ELF4: variants seen among roughly 807,000 people sequenced by gnomAD.
The protein encoded by ELF4 is ETS-related transcription factor Elf-4.
A neutral mutation model predicts 31.7 loss-of-function variants in ELF4; 10 were observed. The observed-to-expected ratio is 0.32, with a 90% CI of 0.19 to 0.54. The LOEUF (loss-of-function observed/expected upper bound fraction) is 0.54, where lower values mean the gene tolerates loss of function less well. ELF4 is among the 20% of genes least tolerant of loss of function. ELF4 has a pLI of 0.95. For synonymous variants in ELF4, 208 were observed against 226.7 expected (o/e 0.92, Z 0.74); for missense variants, 418 against 522.0 (o/e 0.80, Z 1.94).
intron 1 of ELF4, among the ~76,000 whole-genome samples, chrX:130,100,151 G>A (rs966806987): frequency 1.8e-5 from 2 of 111,484 alleles, no homozygotes; most frequent in African/African-American, 6.5e-5. Flanking sequence ...AAGCTATATG[G>A]AGTGAATGTG....
rs973496718 is a variant in ELF4 at position 130,066,777 on chromosome X, G to A, written c.1936C>T (p.Pro646Ser). 8 of 1,209,099 alleles carry A rather than the reference G, an allele frequency of 6.6e-6. No homozygotes were observed. The highest frequency in any genetic ancestry group is 8.9e-6 in the Non-Finnish European group (8 of 894,372). ...SLLTRSPTPA[P>S]FSPFNPTSLI... is the part of the protein sequence containing the mutation. ...GAAGTAGGGTTGAATGGGGAGAAAGGGGCTGGGGTGGGGGATCTTGTCAGA... is the reference window on the plus strand; with the variant it reads ...GAAGTAGGGTTGAATGGGGAGAAAGAGGCTGGGGTGGGGGATCTTGTCAGA... The change falls in exon 9 of 9, where the codon CCT (proline) becomes TCT (serine). Residue 646 changes from proline to serine, a missense_variant. Coordinates refer to ENST00000308167, the MANE Select transcript of ELF4 (RefSeq NM_001421.4).
chrX:130,095,661 TC>T (rs1213025449), intron 1 of ELF4, among the ~76,000 whole-genome samples: 1 of 111,552 alleles, frequency 9.0e-6, no homozygotes. Context: ...CCATGTGAGC[TC>T]CTGTGGCCAG....
chrX:130,086,378 C>G (rs1342882195), intron 1 of ELF4, among the ~76,000 whole-genome samples: 2 of 112,073 alleles, frequency 1.8e-5, no homozygotes, highest in African/African-American at 6.5e-5. Context: ...TTACAGCCCC[C>G]GCTCTCACAC....
At chrX:130,090,409 C>T (rs1405120282) in intron 1 of ELF4, among the ~76,000 whole-genome samples, 1 of 110,204 alleles carries the variant, frequency 9.1e-6, no homozygotes, top group African/African-American at 3.3e-5. Context: ...AGAAGCCACA[C>T]ACATGCAGGG....
intron 1 of ELF4, among the ~76,000 whole-genome samples, chrX:130,102,644 C>A (rs970148053): frequency 1.6e-4 from 12 of 73,628 alleles, no homozygotes; most frequent in Non-Finnish European, 2.9e-4. Context: ...TGAGAACATA[C>A]CTCTACAAAA....
chrX:130,082,756 A>C (rs1932903678), intron 1 of ELF4, among the ~76,000 whole-genome samples: 1 of 101,723 alleles, frequency 9.8e-6, no homozygotes, highest in Non-Finnish European at 2.0e-5. Context: ...CTGCTCCTCC[A>C]CCCCATCACT....
chrX:130,087,758 G>A (rs984926178), intron 1 of ELF4, among the ~76,000 whole-genome samples: 17 of 112,241 alleles, frequency 1.5e-4, no homozygotes, highest in African/African-American at 4.9e-4. Flanking sequence ...GTGAGCCACC[G>A]CGCCTGGCCA....
chrX:130,072,180 GCCCAT>G, intron 5 of ELF4, 41 bp downstream of exon 5: 1 of 580,929 alleles, frequency 1.7e-6, no homozygotes, highest in East Asian at 5.6e-5. Flanking sequence ...CCCACGCCCC[GCCCAT>G]CCCCTCGGAG....
intron 1 of ELF4, among the ~76,000 whole-genome samples, chrX:130,102,171 A>T (rs1450216308): frequency 1.8e-5 from 2 of 112,864 alleles, no homozygotes; most frequent in African/African-American, 6.4e-5. Context: ...CACCAAACAT[A>T]TTTGTTACAA....
intron 2 of ELF4, among the ~76,000 whole-genome samples, chrX:130,077,125 C>CA (rs1179416352): frequency 9.0e-6 from 1 of 110,815 alleles, no homozygotes; most frequent in African/African-American, 3.3e-5. Context: ...TGATGATATC[C>CA]ACTAGTCACG....
rs908961876 is a variant in ELF4 at position 130,094,779 on chromosome X, T to A, written c.-209-13240A>T. Among the ~76,000 whole-genome samples, 3 of 111,043 alleles carry A rather than the reference T, an allele frequency of 2.7e-5. No homozygotes were observed. In the Admixed American group the frequency reaches 2.9e-4, roughly 11 times the overall value. ...CGCCAAGGAAACCTTAGAAACAACA[T>A]CTGGATGTGCACCTGGGCTTCTGCC... On this transcript the variant is annotated intron_variant, in intron 1 of 8. Coordinates refer to ENST00000308167, the MANE Select transcript of ELF4 (RefSeq NM_001421.4).
At position 130,069,389 on chromosome X, in the gene ELF4, C is replaced by T. The variant is rs1932757587; in HGVS notation, c.1098G>A (p.Leu366=). Residue 366 remains leucine, a synonymous_variant, in exon 8 of 9, where the codon TTG becomes TTA. Coordinates refer to ENST00000308167, the MANE Select transcript of ELF4 (RefSeq NM_001421.4). Reference sequence around the variant, plus strand: ...GGATCTCCTCGTCTAGCGACGGTCCCAATTCCAGACTCGCAGATGGCTGGA... The same window carrying T: ...GGATCTCCTCGTCTAGCGACGGTCCTAATTCCAGACTCGCAGATGGCTGGA... ...VGLQPSASLE[L]GPSLDEEIPT... is the part of the protein sequence containing the mutation. 1.7e-6 allele frequency: 2 copies of T among 1,212,011 alleles called. No individual in the cohort carries two copies. The highest frequency in any genetic ancestry group is 3.0e-5 in the East Asian group (1 of 33,838).
rs1932706081 is a variant in ELF4, at chrX:130,067,329, A to G, written c.1384T>C (p.Ser462Pro). The change falls in exon 9 of 9, where the codon TCT (serine) becomes CCT (proline). Residue 462 changes from serine (S) to proline (P), a missense_variant. This residue lies in a region of ELF4 where 260 missense variants were observed against 269.2 expected (regional missense o/e 0.97). Coordinates refer to ENST00000308167, the MANE Select transcript of ELF4 (RefSeq NM_001421.4). ...TFKDTFTLQA[S>P]FPLNASFQDS... The stretch of plus-strand genomic sequence containing the variant: ...TGGAAACTGGCGTTCAGGGGGAAAG[A>G]GGCCTGCAAAGTGAAGGTGTCCTTG... 1.6e-6 allele frequency: 2 copies of G among 1,212,173 alleles called. No homozygotes were observed. The highest frequency in any genetic ancestry group is 1.7e-5 in the African/African-American group (1 of 57,903).
At chrX:130,109,778 A>C (rs1351012702) in intron 1 of ELF4, among the ~76,000 whole-genome samples, 1 of 112,954 alleles carries the variant, frequency 8.9e-6, no homozygotes, top group Non-Finnish European at 1.9e-5. Flanking sequence ...CGGAGGCGGG[A>C]GAGTCGGGGA....
chrX:130,082,566 G>A (rs1932900757), intron 1 of ELF4, among the ~76,000 whole-genome samples: 1 of 111,230 alleles, frequency 9.0e-6, no homozygotes, highest in Non-Finnish European at 1.9e-5. Flanking sequence ...ACCTCCTCTC[G>A]CCCCACGTGC....
chrX:130,094,698 T>G (rs1299968772), intron 1 of ELF4, among the ~76,000 whole-genome samples: 1 of 111,217 alleles, frequency 9.0e-6, no homozygotes, highest in Non-Finnish European at 1.9e-5. Flanking sequence ...GGGGAGTACC[T>G]GCTTGTCCAC....
chrX:130,104,487 G>A (rs1933341706), intron 1 of ELF4, among the ~76,000 whole-genome samples: 1 of 111,454 alleles, frequency 9.0e-6, no homozygotes. Context: ...GTGTGTGAAG[G>A]GGAAATGGTG....
chrX:130,098,763 G>A (rs1236536108), intron 1 of ELF4, among the ~76,000 whole-genome samples: 2 of 112,214 alleles, frequency 1.8e-5, no homozygotes, highest in Non-Finnish European at 3.8e-5. Flanking sequence ...AGCAAATGAA[G>A]ATGCTGAGGG....
chrX:130,107,278 A>G (rs746926931), intron 1 of ELF4, among the ~76,000 whole-genome samples: 1 of 110,192 alleles, frequency 9.1e-6, no homozygotes, highest in Non-Finnish European at 1.9e-5. Context: ...ACTCCATCTC[A>G]AAAAGAAAAG....
Sources: allele counts gnomAD v4.1 joint callset (sites outside exome capture counted in the v4.1 genomes callset), GRCh38; gene constraint gnomAD v4.1.1; regional missense constraint gnomAD v4.1.1; transcripts MANE v1.5; gene names NCBI Gene and HGNC (gene_info 2026-07-23, HGNC 2026-07-21).